SAMD13: variants seen among roughly 807,000 people sequenced by gnomAD.
SAMD13 encodes sterile alpha motif domain containing 13.
A neutral mutation model predicts 12.4 loss-of-function variants in SAMD13; 9 were observed. The ratio of observed to expected loss-of-function variants is 0.72; its 90% CI spans 0.44 to 1.26. The LOEUF is 1.26. SAMD13 is among the 50% of genes most tolerant of loss of function. SAMD13 has a pLI of 0.00. For synonymous variants in SAMD13, 46 were observed against 45.4 expected (o/e 1.01, Z -0.05); for missense variants, 84 against 119.6 (o/e 0.70, Z 1.39).
intron 1 of SAMD13, 143 bp from the exon 2 acceptor site, chr1:84,303,060 C>T (rs956659888): frequency 4.9e-6 from 3 of 617,094 alleles, no homozygotes; most frequent in Non-Finnish European, 8.4e-6. Flanking sequence ...TCTCTCCAAT[C>T]GCCGAGGGAA....
intron 2 of SAMD13, among the ~76,000 whole-genome samples, chr1:84,322,408 C>T (rs1439193375): frequency 6.6e-6 from 1 of 152,176 alleles, no homozygotes; most frequent in Non-Finnish European, 1.5e-5. Flanking sequence ...CTTCGTTTCC[C>T]AAAAGCAGGT....
chr1:84,310,019 A>G (rs534927769), intron 2 of SAMD13, among the ~76,000 whole-genome samples: 2 of 152,300 alleles, frequency 1.3e-5, no homozygotes, highest in African/African-American at 2.4e-5. Flanking sequence ...TATTTTATAA[A>G]TTAACAATTC....
chr1:84,328,545 A>T (rs2101807210), intron 3 of SAMD13, among the ~76,000 whole-genome samples: 2 of 152,258 alleles, frequency 1.3e-5, no homozygotes, highest in South Asian at 4.1e-4. Context: ...ACTGGAGGGC[A>T]GGGAGGGAAT....
intron 2 of SAMD13, among the ~76,000 whole-genome samples, chr1:84,319,943 T>C (rs763677156): frequency 6.6e-6 from 1 of 152,162 alleles, no homozygotes; most frequent in African/African-American, 2.4e-5. Context: ...TCCACACACC[T>C]AGCACAGCCT....
chr1:84,315,687 A>G (rs1317401413), intron 2 of SAMD13, among the ~76,000 whole-genome samples: 1 of 152,184 alleles, frequency 6.6e-6, no homozygotes, highest in Non-Finnish European at 1.5e-5. Flanking sequence ...TGGGAGTACT[A>G]ATATCTCTTT....
At chr1:84,300,227 A>G (rs6695196), upstream of SAMD13, among the ~76,000 whole-genome samples, 3,700 of 152,338 alleles carry the variant, frequency 0.024, 120 homozygotes, top group African/African-American at 0.07. Flanking sequence ...TGAAAGATCC[A>G]CATGCCTGAC....
At chr1:84,320,883 G>A (rs1462817753) in intron 2 of SAMD13, among the ~76,000 whole-genome samples, 1 of 152,112 alleles carries the variant, frequency 6.6e-6, no homozygotes, top group Non-Finnish European at 1.5e-5. Context: ...TATTACATGT[G>A]GATTGCATTT....
intron 3 of SAMD13, 107 bp downstream of exon 3, chr1:84,325,855 G>T: frequency 1.5e-6 from 1 of 687,752 alleles, no homozygotes. Flanking sequence ...CCAAAGAGCA[G>T]GGAGGAATCA....
At chr1:84,334,686 T>C (rs184522906) in intron 3 of SAMD13, among the ~76,000 whole-genome samples, 359 of 152,240 alleles carry the variant, frequency 2.4e-3, no homozygotes, top group Non-Finnish European at 4.3e-3. Context: ...CTTTTTGATG[T>C]GGGCACTTAG....
At chr1:84,308,367 A>G (rs888957593) in intron 2 of SAMD13, among the ~76,000 whole-genome samples, 1 of 152,132 alleles carries the variant, frequency 6.6e-6, no homozygotes, top group African/African-American at 2.4e-5. Flanking sequence ...GGCTGCCCCT[A>G]TACATTGTAG....
chr1:84,320,962 A>G (rs1678930461), intron 2 of SAMD13, among the ~76,000 whole-genome samples: 2 of 152,204 alleles, frequency 1.3e-5, no homozygotes, highest in South Asian at 4.1e-4. Flanking sequence ...TAAAATGTAC[A>G]GATGCTAGAT....
chr1:84,343,171 T>A (rs1679465472), intron 3 of SAMD13, among the ~76,000 whole-genome samples: 1 of 152,136 alleles, frequency 6.6e-6, no homozygotes, highest in Admixed American at 6.6e-5. Context: ...CTTACACCAG[T>A]CAGAATGGCA....
chr1:84,331,730 T>C (rs1679191225), intron 3 of SAMD13, among the ~76,000 whole-genome samples: 1 of 152,108 alleles, frequency 6.6e-6, no homozygotes, highest in Non-Finnish European at 1.5e-5. Flanking sequence ...AAAAAACTTG[T>C]TGAAGTTTTT....
intron 3 of SAMD13, among the ~76,000 whole-genome samples, chr1:84,348,477 G>A (rs1486087298): frequency 2.0e-5 from 3 of 151,994 alleles, no homozygotes; most frequent in Admixed American, 6.6e-5. Flanking sequence ...TTATAACCAT[G>A]CACAGAAATG....
At chr1:84,301,609 G>A (rs927658041), upstream of SAMD13, 12 of 985,324 alleles carry the variant, frequency 1.2e-5, no homozygotes, top group African/African-American at 2.1e-4. Context: ...TGAACCAGAA[G>A]GCAGTTGGTG....
intron 3 of SAMD13, among the ~76,000 whole-genome samples, chr1:84,330,426 CT>C (rs1679154124): frequency 6.6e-6 from 1 of 152,104 alleles, no homozygotes; most frequent in African/African-American, 2.4e-5. Flanking sequence ...TCAAAGGTAC[CT>C]CAAGAATTTT....
intron 2 of SAMD13, among the ~76,000 whole-genome samples, chr1:84,305,817 T>C (rs1678555948): frequency 6.6e-6 from 1 of 152,220 alleles, no homozygotes. Flanking sequence ...TGTGCAGGCT[T>C]ATTTCTGGGC....
upstream of SAMD13, chr1:84,299,639 G>A (rs1015687018): frequency 1.2e-4 from 170 of 1,467,012 alleles, no homozygotes; most frequent in Non-Finnish European, 1.6e-4. Context: ...TTGTTGGAGG[G>A]AGTGTGTGAG....
chr1:84,337,425 C>T (rs1383010689), intron 3 of SAMD13, among the ~76,000 whole-genome samples: 1 of 152,236 alleles, frequency 6.6e-6, no homozygotes. Flanking sequence ...AGGTTCAACA[C>T]CACATGGAAG....
Sources: allele counts gnomAD v4.1 joint callset (sites outside exome capture counted in the v4.1 genomes callset), GRCh38; gene constraint gnomAD v4.1.1; transcripts MANE v1.5; gene names NCBI Gene and HGNC (gene_info 2026-07-23, HGNC 2026-07-21).